Variants in ZNF232 observed in about 807,000 individuals in gnomAD.
The protein encoded by ZNF232 is zinc finger protein 232, also known as zinc finger and SCAN domain-containing protein 11.
Under a neutral mutation model 25.2 loss-of-function variants are expected in ZNF232, and 25 were observed. That is an observed-to-expected ratio of 0.99 (90% confidence interval 0.72 to 1.39). The LOEUF is 1.39. ZNF232 is among the 40% of genes most tolerant of loss of function. The pLI is 0.00. For synonymous variants in ZNF232, 193 were observed against 182.9 expected (o/e 1.06, Z -0.45); for missense variants, 519 against 520.9 (o/e 1.00, Z 0.04).
chr17:5,110,370 T>C (rs1229348114), intron 1 of ZNF232, among the ~76,000 whole-genome samples: 1 of 152,202 alleles, frequency 6.6e-6, no homozygotes, highest in Non-Finnish European at 1.5e-5. Context: ...AAAGTGGTTT[T>C]CTATAATACA....
At chr17:5,116,914 A>G (rs542102931) in intron 1 of ZNF232, among the ~76,000 whole-genome samples, 25 of 152,340 alleles carry the variant, frequency 1.6e-4, no homozygotes, top group African/African-American at 6.0e-4. Flanking sequence ...GGAGGGAGCA[A>G]TCTTCACAGA....
chr17:5,105,775 T>C, exon 4 of ZNF232: 4 of 1,485,122 alleles, frequency 2.7e-6, no homozygotes, highest in Non-Finnish European at 3.6e-6. Flanking sequence ...AGTCCTAAAG[T>C]AGATTAGACC....
chr17:5,121,422 G>C (rs1353712102), intron 1 of ZNF232: 1 of 320,734 alleles, frequency 3.1e-6, no homozygotes, highest in African/African-American at 2.2e-5. Context: ...AGGCCCTGCA[G>C]AGCGGCAGGA....
exon 1 of ZNF232, chr17:5,111,834 C>G: frequency 1.9e-6 from 3 of 1,613,680 alleles, no homozygotes; most frequent in Non-Finnish European, 2.5e-6. Flanking sequence ...GGGGCGCTGC[C>G]GCGAATCGCG....
chr17:5,107,457 C>T (rs1165751584), intron 3 of ZNF232, among the ~76,000 whole-genome samples: 1 of 141,222 alleles, frequency 7.1e-6, no homozygotes, highest in Admixed American at 7.1e-5. Context: ...GTCCATAGCA[C>T]ATTTTATGTT....
Position 5,108,907 on chromosome 17 carries a change from A to C in ZNF232, c.625+19T>G, listed in dbSNP as rs2072325998. 6.2e-7 allele frequency: 1 copy of C among 1,613,364 alleles called. No homozygotes were observed. Among genetic ancestry groups the C allele is most frequent in the Admixed American group, 1.7e-5 (1 of 59,962 alleles). ...GTCCCTCTTTCTCCTCTCCCTCCCC[A>C]CAGAATCCTGCTCCTCACCACTCTT... On this transcript the variant is annotated intron_variant, in intron 3 of 3. Transcript: ENST00000575898.
At chr17:5,107,159 C>T (rs2072279172) in intron 3 of ZNF232, among the ~76,000 whole-genome samples, 3 of 151,624 alleles carry the variant, frequency 2.0e-5, no homozygotes, top group Admixed American at 6.6e-5. Flanking sequence ...GAGGCCAGGG[C>T]GGGTGGATCA....
chr17:5,109,635 C>G, exon 2 of ZNF232: 1 of 1,614,174 alleles, frequency 6.2e-7, no homozygotes, highest in Non-Finnish European at 8.5e-7. Context: ...CTCCTGGTAG[C>G]GGAGATGCCT....
At chr17:5,109,395 T>G in exon 2 of ZNF232, 1 of 1,614,060 alleles carries the variant, frequency 6.2e-7, no homozygotes, top group Admixed American at 1.7e-5. Context: ...CCTTCCCACC[T>G]GCGGCTCTGG....
At chr17:5,122,780 G>A (rs942451634) in intron 1 of ZNF232, among the ~76,000 whole-genome samples, 8 of 152,250 alleles carry the variant, frequency 5.3e-5, no homozygotes, top group African/African-American at 1.7e-4. Context: ...CTCAGGTCCG[G>A]TAGGGCGAGG....
chr17:5,106,098 G>T, exon 4 of ZNF232: 1 of 1,614,176 alleles, frequency 6.2e-7, no homozygotes, highest in Non-Finnish European at 8.5e-7. Context: ...TTTCTCTCCT[G>T]TATGAATTCT....
intron 1 of ZNF232, among the ~76,000 whole-genome samples, chr17:5,119,065 G>T (rs548783921): frequency 1.3e-5 from 2 of 152,286 alleles, no homozygotes; most frequent in South Asian, 4.1e-4. Context: ...CATCTGCTTA[G>T]AATTTCTCAA....
At chr17:5,121,232 G>A (rs898595076) in intron 1 of ZNF232, 3 of 392,492 alleles carry the variant, frequency 7.6e-6, no homozygotes, top group Non-Finnish European at 1.5e-5. Flanking sequence ...AAGGTCCAAC[G>A]TGGGTGCAGA....
chr17:5,105,768 C>A, exon 4 of ZNF232: 2 of 1,472,360 alleles, frequency 1.4e-6, no homozygotes, highest in South Asian at 2.8e-5. Context: ...GGGATCCAGT[C>A]CTAAAGTAGA....
intron 3 of ZNF232, among the ~76,000 whole-genome samples, chr17:5,107,081 T>G (rs2072276823): frequency 1.3e-5 from 2 of 151,498 alleles, no homozygotes; most frequent in Admixed American, 6.6e-5. Flanking sequence ...GCCTTTCTCT[T>G]CCTTAAAAAG....
At chr17:5,116,681 C>T (rs576549097), upstream of ZNF232, 1 of 152,390 alleles carries the variant, frequency 6.6e-6, no homozygotes, top group East Asian at 1.9e-4. Flanking sequence ...GACTGTACCG[C>T]CAAGACCGCT....
exon 4 of ZNF232, chr17:5,105,766 G>T: frequency 4.1e-6 from 6 of 1,462,446 alleles, no homozygotes; most frequent in Non-Finnish European, 5.5e-6. Context: ...ATGGGATCCA[G>T]TCCTAAAGTA....
upstream of ZNF232, among the ~76,000 whole-genome samples, chr17:5,113,004 G>T (rs941828130): frequency 3.9e-5 from 6 of 152,134 alleles, no homozygotes; most frequent in African/African-American, 1.4e-4. Flanking sequence ...TATCAATTTT[G>T]CAGGATATTG....
At chr17:5,108,520 TA>T (rs760611887) in intron 3 of ZNF232, among the ~76,000 whole-genome samples, 790 of 142,928 alleles carry the variant, frequency 5.5e-3, no homozygotes, top group East Asian at 5.4e-3. Flanking sequence ...TCAGCGAGTT[TA>T]AAAAAAAAAA....
Sources: gnomAD v4.1 joint callset for allele counts (sites outside exome capture counted in the v4.1 genomes callset) on GRCh38, gnomAD v4.1.1 for gene constraint, MANE v1.5 for transcripts, NCBI Gene and HGNC (gene_info 2026-07-23, HGNC 2026-07-21) for gene names.